The following MARCHF10 variants were observed in gnomAD, a reference collection of about 807,000 sequenced individuals.
MARCHF10 encodes the protein probable E3 ubiquitin-protein ligase MARCHF10.
A neutral mutation model predicts 76.2 loss-of-function variants in MARCHF10; 64 were observed. The ratio of observed to expected loss-of-function variants is 0.84; its 90% CI spans 0.69 to 1.03. The LOEUF (loss-of-function observed/expected upper bound fraction) is 1.03. Ranked by LOEUF, MARCHF10 falls within the 50% of genes least tolerant of loss-of-function variation. The pLI is 0.00. For synonymous variants in MARCHF10, 340 were observed against 357.5 expected (o/e 0.95, Z 0.55); for missense variants, 875 against 958.0 (o/e 0.91, Z 1.14).
At chr17:62,793,060 ACTACCAACACCTCCATC>A (rs2092895078) in intron 2 of MARCHF10, among the ~76,000 whole-genome samples, 2 of 140,556 alleles carry the variant, frequency 1.4e-5, no homozygotes, top group African/African-American at 5.4e-5. Flanking sequence ...CGCCTCCATC[ACTACCAACACCTCCATC>A]ACCACCACCA....
chr17:62,806,760 CCTGA>C (rs1044117605), intron 1 of MARCHF10: 2 of 152,234 alleles, frequency 1.3e-5, no homozygotes, highest in Admixed American at 6.5e-5. Flanking sequence ...ACCAAGTTTT[CCTGA>C]CTGAGGGGAA....
chr17:62,708,270 G>A (rs866391901), intron 9 of MARCHF10, among the ~76,000 whole-genome samples: 72 of 147,190 alleles, frequency 4.9e-4, no homozygotes, highest in African/African-American at 1.7e-3. Flanking sequence ...TTTTGAGACA[G>A]AGTCTTGCTC....
In MARCHF10 at chr17:62,737,209, T is replaced by G. The variant is rs769438216; in HGVS notation, c.659A>C (p.Lys220Thr). The change falls in exon 6 of 11, where the codon AAA becomes ACA. Residue 220 changes from lysine (K) to threonine (T), a missense_variant. Transcript: ENST00000311269. ...CTGGGAAGGAGCACTCGGGTCTCCT[T>G]TTTTGGCTCTATCAGGGGCGTTCTC... is the stretch of plus-strand genomic sequence containing the variant. ...MTENAPDRAK[K>T]GDPSAPSQSE... 1 of 1,614,072 alleles carries G rather than the reference T, an allele frequency of 6.2e-7. No individual in the cohort carries two copies. The highest frequency in any genetic ancestry group is 1.1e-5 in the South Asian group (1 of 91,060).
At chr17:62,765,450 C>T (rs2092307276) in intron 3 of MARCHF10, among the ~76,000 whole-genome samples, 2 of 151,336 alleles carry the variant, frequency 1.3e-5, no homozygotes. Context: ...TCGAGTTCCA[C>T]AGAGAACACC....
chr17:62,716,037 T>C lies in MARCHF10; in HGVS notation c.2215-4693A>G, dbSNP rs76496328. Among the ~76,000 whole-genome samples the C allele has an allele frequency of 4.9e-3, 740 of 152,236 alleles. 7 individuals carry two copies. Among genetic ancestry groups the C allele is most frequent in the African/African-American group, 0.017 (709 of 41,548 alleles). On this transcript the variant is annotated intron_variant, in intron 8 of 10. Coordinates refer to ENST00000311269, the MANE Select transcript of MARCHF10 (RefSeq NM_152598.4). ...TCACAGACTTCACTCCAAGGCCCGG[T>C]TGATAGAAGGCCCGCTCCTCTCTTT...
intron 3 of MARCHF10, among the ~76,000 whole-genome samples, chr17:62,767,450 C>CCTTTTTTTTTTTTTTTTTTTTTTTTTTTT (rs67106553): frequency 7.4e-6 from 1 of 134,790 alleles, no homozygotes. Flanking sequence ...GGTCTGTATT[C>CCTTTTTTTTTTTTTTTTTTTTTTTTTTTT]TTTTTTTTTT....
chr17:62,741,024 G>T (rs778377804), intron 5 of MARCHF10, among the ~76,000 whole-genome samples: 3 of 152,148 alleles, frequency 2.0e-5, no homozygotes. Context: ...CATCTGTCCT[G>T]CTATATCCAC....
intron 3 of MARCHF10, among the ~76,000 whole-genome samples, chr17:62,783,131 G>A (rs976587679): frequency 6.6e-6 from 1 of 151,192 alleles, no homozygotes; most frequent in East Asian, 1.9e-4. Flanking sequence ...GACACACTGA[G>A]GGACAGTGTC....
chr17:62,773,721 G>A (rs1286383724), intron 3 of MARCHF10, among the ~76,000 whole-genome samples: 1 of 152,168 alleles, frequency 6.6e-6, no homozygotes, highest in African/African-American at 2.4e-5. Context: ...GAAATTTCTA[G>A]CTGAGGGACA....
chr17:62,794,970 C>T (rs2092959126), intron 2 of MARCHF10: 2 of 970,868 alleles, frequency 2.1e-6, no homozygotes, highest in Admixed American at 6.2e-5. Context: ...TATTCCCCTC[C>T]AGCTAGTTTT....
At chr17:62,737,885 TA>T (rs2091344496) in intron 5 of MARCHF10, 1 of 152,508 alleles carries the variant, frequency 6.6e-6, no homozygotes, top group Non-Finnish European at 1.5e-5. Context: ...TCATGTTTAC[TA>T]TTTAGTGAAA....
intron 4 of MARCHF10, among the ~76,000 whole-genome samples, chr17:62,753,438 A>C (rs989170298): frequency 6.6e-6 from 1 of 152,176 alleles, no homozygotes; most frequent in African/African-American, 2.4e-5. Context: ...TCAAATGTAC[A>C]TAGGAATATC....
chr17:62,792,900 C>T (rs1259165098), intron 2 of MARCHF10, among the ~76,000 whole-genome samples: 1 of 147,760 alleles, frequency 6.8e-6, no homozygotes, highest in Admixed American at 6.7e-5. Flanking sequence ...ACCACCACCA[C>T]CTCCATCACC....
chr17:62,736,262 C>T lies in MARCHF10; in HGVS notation c.1606G>A (p.Ala536Thr), dbSNP rs753364076. Reference protein sequence around the residue: ...ENHNYFPVNSAHEFAVREAED... With the variant: ...ENHNYFPVNSTHEFAVREAED... ...GCTTCCCTGACAGCAAATTCGTGTG[C>T]ACTGTTTACTGGGAAATAATTATGG... The change falls in exon 6 of 11, where the codon GCA becomes ACA. Residue 536 changes from alanine to threonine, a missense_variant. Coordinates refer to ENST00000311269, the MANE Select transcript of MARCHF10 (RefSeq NM_152598.4). 6 of 1,614,164 alleles carry T rather than the reference C, an allele frequency of 3.7e-6. No individual in the cohort carries two copies. The Admixed American group carries it at 1.0e-4, about 27-fold the overall frequency.
chr17:62,782,034 G>A (rs889702445), intron 3 of MARCHF10, among the ~76,000 whole-genome samples: 26 of 152,164 alleles, frequency 1.7e-4, no homozygotes, highest in Admixed American at 1.4e-3. Flanking sequence ...TCCACCTAGG[G>A]AGGAAGGCTT....
chr17:62,729,131 C>T (rs9898889), intron 6 of MARCHF10, among the ~76,000 whole-genome samples: 40,747 of 151,490 alleles, frequency 0.27, 6,326 homozygotes, highest in Non-Finnish European at 0.35. Flanking sequence ...TTTGTAGAGA[C>T]GGGGTTTTGC....
rs761295021 is a variant in MARCHF10, at chr17:62,736,628, C to G, written c.1240G>C (p.Gly414Arg). The G allele has an allele frequency of 1.2e-6, 2 of 1,614,030 alleles. No homozygotes were observed. The highest frequency in any genetic ancestry group is 2.7e-5 in the African/African-American group (2 of 74,914). The change falls in exon 6 of 11, where the codon GGT becomes CGT. Residue 414 changes from glycine (G) to arginine (R), a missense_variant. By Grantham distance (125) the Gly-to-Arg change is moderately radical. Transcript: ENST00000311269. Reference sequence around the variant, plus strand: ...CTCCATACATTTTCAGCATTGACACCAACCTCTTGTCTGGGCTCGGATTTG... The same window carrying G: ...CTCCATACATTTTCAGCATTGACACGAACCTCTTGTCTGGGCTCGGATTTG... Reference protein sequence around the residue: ...DTKSEPRQEVGVNAENVWSDC... With the variant: ...DTKSEPRQEVRVNAENVWSDC...
chr17:62,750,746 C>T (rs2147898614), intron 4 of MARCHF10, among the ~76,000 whole-genome samples: 1 of 152,316 alleles, frequency 6.6e-6, no homozygotes, highest in South Asian at 2.1e-4. Context: ...CACCCTGTTC[C>T]AGCCAACAGT....
At chr17:62,774,958 G>C (rs941284260) in intron 3 of MARCHF10, among the ~76,000 whole-genome samples, 2 of 151,830 alleles carry the variant, frequency 1.3e-5, no homozygotes, top group African/African-American at 4.8e-5. Flanking sequence ...GGAGCCTGAG[G>C]CAAGAGAATC....
Sources: allele counts gnomAD v4.1 joint callset (sites outside exome capture counted in the v4.1 genomes callset), GRCh38; gene constraint gnomAD v4.1.1; transcripts MANE v1.5; gene names NCBI Gene and HGNC (gene_info 2026-07-23, HGNC 2026-07-21).